Variants in TOM1 observed in about 807,000 individuals in gnomAD.
TOM1 encodes the protein target of myb1 membrane trafficking protein.
Under a neutral mutation model 61.3 loss-of-function variants are expected in TOM1, and 38 were observed. The ratio of observed to expected loss-of-function variants is 0.62; its 90% CI spans 0.48 to 0.81. The LOEUF is 0.81. TOM1 is among the 40% of genes least tolerant of loss of function. TOM1 has a pLI of 0.00. For synonymous variants in TOM1, 270 were observed against 268.8 expected, an observed-to-expected ratio of 1.00 and a Z score of -0.04; for missense variants, 591 against 659.6, an observed-to-expected ratio of 0.90 and a Z score of 1.14.
intron 12 of TOM1, 45 bp from the exon 13 acceptor site, chr22:35,345,680 C>T: frequency 6.2e-7 from 1 of 1,602,776 alleles, no homozygotes. Context: ...ACGTCTTCCA[C>T]CTTGTCACCT....
At chr22:35,300,778 C>T (rs1361996112) in intron 1 of TOM1, among the ~76,000 whole-genome samples, 3 of 152,192 alleles carry the variant, frequency 2.0e-5, no homozygotes, top group Non-Finnish European at 2.9e-5. Flanking sequence ...CCGAGGTTTC[C>T]TCACCTGTAG....
intron 8 of TOM1, 50 bp from the exon 9 acceptor site, chr22:35,332,931 G>A: frequency 6.2e-7 from 1 of 1,600,146 alleles, no homozygotes; most frequent in Non-Finnish European, 8.6e-7. Context: ...GCCGTGTGTG[G>A]GGGCCTGTCT....
intron 1 of TOM1, among the ~76,000 whole-genome samples, chr22:35,315,639 C>T (rs1927215677): frequency 6.6e-6 from 1 of 152,228 alleles, no homozygotes; most frequent in Admixed American, 6.5e-5. Context: ...TCTGCCTCAG[C>T]CGCCTGGCAT....
chr22:35,321,555 C>T (rs759938389), intron 2 of TOM1, among the ~76,000 whole-genome samples: 3 of 152,056 alleles, frequency 2.0e-5, no homozygotes, highest in East Asian at 1.9e-4. Context: ...CATACCACCA[C>T]GCCCGGCAAA....
chr22:35,334,589 G>C (rs576284235), intron 11 of TOM1, 141 bp downstream of exon 11: 1 of 1,019,910 alleles, frequency 9.8e-7, no homozygotes, highest in East Asian at 2.5e-5. Context: ...CCCTAAGTCA[G>C]TCCAGCATGG....
chr22:35,340,661 C>T (rs1929796192), intron 12 of TOM1, among the ~76,000 whole-genome samples: 1 of 151,952 alleles, frequency 6.6e-6, no homozygotes, highest in South Asian at 2.1e-4. Flanking sequence ...GTGGGAGGAT[C>T]GCTTGAGCAC....
At chr22:35,343,628 C>T (rs1449956453) in intron 12 of TOM1, among the ~76,000 whole-genome samples, 67 of 141,500 alleles carry the variant, frequency 4.7e-4, no homozygotes, top group Non-Finnish European at 7.7e-4. Flanking sequence ...TCTACACCCA[C>T]ACCTACACAC....
chr22:35,315,073 G>A (rs1315903723), intron 1 of TOM1, among the ~76,000 whole-genome samples: 1 of 152,182 alleles, frequency 6.6e-6, no homozygotes, highest in Non-Finnish European at 1.5e-5. Context: ...GAAGGACACT[G>A]TCATTTTCAG....
At chr22:35,321,497 C>T (rs1927777469) in intron 2 of TOM1, among the ~76,000 whole-genome samples, 1 of 152,068 alleles carries the variant, frequency 6.6e-6, no homozygotes. Flanking sequence ...CTCCTGGGTT[C>T]AAGCGATTCT....
intron 1 of TOM1, among the ~76,000 whole-genome samples, chr22:35,308,223 T>C (rs1050027258): frequency 6.6e-6 from 1 of 152,018 alleles, no homozygotes; most frequent in South Asian, 2.1e-4. Context: ...CCTGTGTGTG[T>C]GTGTGTGTCT....
chr22:35,312,806 G>A (rs138774), intron 1 of TOM1, among the ~76,000 whole-genome samples: 75,896 of 151,654 alleles, frequency 0.5, 22,507 homozygotes, highest in Non-Finnish European at 0.66. Flanking sequence ...GCTGACTGTG[G>A]CTGACGCCAG....
At chr22:35,330,202 T>G in intron 7 of TOM1, 145 bp from the exon 8 acceptor site, 1 of 745,278 alleles carries the variant, frequency 1.3e-6, no homozygotes, top group South Asian at 1.9e-5. Flanking sequence ...GAGAATGGCA[T>G]GAACCCAGGA....
At chr22:35,322,808 A>ACACCATACCTCTGCCCACC (rs1193322068) in intron 3 of TOM1, among the ~76,000 whole-genome samples, 1 of 152,158 alleles carries the variant, frequency 6.6e-6, no homozygotes, top group African/African-American at 2.4e-5. Flanking sequence ...TCCAGCCCAC[A>ACACCATACCTCTGCCCACC]CACCATACCT....
chr22:35,299,828 C>A (rs1925544435), upstream of TOM1: 5 of 1,380,492 alleles, frequency 3.6e-6, no homozygotes, highest in Non-Finnish European at 5.0e-6. Flanking sequence ...GCCCCGCCCA[C>A]GCCTCCTCGC....
At chr22:35,343,868 C>A (rs1229434927) in intron 12 of TOM1, among the ~76,000 whole-genome samples, 2 of 148,688 alleles carry the variant, frequency 1.3e-5, no homozygotes, top group Non-Finnish European at 3.0e-5. Context: ...GCATATACCA[C>A]CCCTACACAC....
In TOM1 at chr22:35,323,398, A is replaced by C. The variant is rs1928011991; in HGVS notation, c.367-98A>C. The C allele has an allele frequency of 2.7e-6, 4 of 1,496,476 alleles. No individual in the cohort carries two copies. In the East Asian group the frequency reaches 9.1e-5, roughly 34 times the overall value. 92.7% of individuals were successfully genotyped at this position (1,496,476 alleles called of 1,614,324 possible). A position where few individuals can be genotyped will look rare whatever the true frequency, so the allele number is the denominator to read the frequency against. ...GGCAGATGTAGTTAAAAAAAAAAAA[A>C]AAGCAGGGAAAGAATGTCTGTTCTC... On this transcript the variant is annotated intron_variant, in intron 4 of 14. Coordinates refer to ENST00000449058, the MANE Select transcript of TOM1 (RefSeq NM_005488.3). This position sits in a 1 kb window ranked among gnomAD's most constrained non-coding sequence, Gnocchi z 4.2.
At position 35,323,367 on chromosome 22, in the gene TOM1, G is replaced by A; in HGVS notation, c.367-129G>A. 7.2e-7 allele frequency: 1 copy of A among 1,380,918 alleles called. No homozygotes were observed. The highest frequency in any genetic ancestry group is 2.3e-5 in the East Asian group (1 of 43,636). 85.5% of individuals were successfully genotyped at this position (1,380,918 alleles called of 1,614,324 possible). ...CCAACTGCGTGCTTTGCTGTGGAGT[G>A]GGCAGGGCAGATGTAGTTAAAAAAA... On this transcript the variant is annotated intron_variant, in intron 4 of 14. Transcript: ENST00000449058. This position sits in a 1 kb window ranked among gnomAD's most constrained non-coding sequence, Gnocchi z 4.2.
rs551783539 is a variant in TOM1 at position 35,340,773 on chromosome 22, C to G, written c.1224+1985C>G. Among the ~76,000 whole-genome samples, 3 of 152,110 alleles carry G rather than the reference C, an allele frequency of 2.0e-5. No individual in the cohort carries two copies. In the South Asian group the frequency reaches 6.2e-4, roughly 31 times the overall value. Reference sequence around the variant, plus strand: ...AGAAAAGAAGGAAAGCAGGGAGGGACGAGTTGTGGAAACCGTCCAGGCCAG... The same window carrying G: ...AGAAAAGAAGGAAAGCAGGGAGGGAGGAGTTGTGGAAACCGTCCAGGCCAG... On this transcript the variant is annotated intron_variant, in intron 12 of 14. Transcript: ENST00000449058.
chr22:35,321,831 C>A (rs1003020755), intron 2 of TOM1, 128 bp from the exon 3 acceptor site: 7 of 837,212 alleles, frequency 8.4e-6, no homozygotes, highest in Non-Finnish European at 1.3e-5. Flanking sequence ...CAGAACCTGG[C>A]TGGATACACA....
Sources: gnomAD v4.1 joint callset for allele counts (sites outside exome capture counted in the v4.1 genomes callset) on GRCh38, gnomAD v4.1.1 for gene constraint, Gnocchi (gnomAD v3.1) non-coding constraint, MANE v1.5 for transcripts, NCBI Gene and HGNC (gene_info 2026-07-23, HGNC 2026-07-21) for gene names.